The following PCNP variants were observed in gnomAD, a reference collection of about 807,000 sequenced individuals.
PCNP encodes the protein PEST proteolytic signal containing nuclear protein, also known as PEST proteolytic signal-containing nuclear protein.
PCNP carries 6 observed loss-of-function variants against 21.8 expected under a neutral mutation model. That is an observed-to-expected ratio of 0.28 (90% CI 0.15 to 0.54). The LOEUF is 0.54. PCNP is among the 20% of genes least tolerant of loss of function. The pLI is 0.95. For missense variants in PCNP, 161 were observed against 215.5 expected (o/e 0.75, Z 1.58); for synonymous variants, 67 against 73.2 (o/e 0.92, Z 0.43).
chr3:101,590,244 A>G lies in PCNP; in HGVS notation c.384A>G (p.Ala128=). Residue 128 remains alanine, a synonymous_variant, in exon 4 of 5, where the codon GCA becomes GCG. Coordinates refer to ENST00000265260, the MANE Select transcript of PCNP (RefSeq NM_020357.3). ...DSEPEEMPPE[A]KMRMKNIGRD... ...AACCAGAGGAAATGCCTCCAGAAGC[A>G]AAGATGAGGATGAAGAATATTGGAA... 6.4e-7 allele frequency: 1 copy of G among 1,568,370 alleles called. No individual in the cohort carries two copies. The highest frequency in any genetic ancestry group is 1.1e-5 in the South Asian group (1 of 89,708).
At chr3:101,574,674 A>C (rs1265645847) in intron 1 of PCNP, among the ~76,000 whole-genome samples, 1 of 151,796 alleles carries the variant, frequency 6.6e-6, no homozygotes, top group East Asian at 1.9e-4. Flanking sequence ...TAACATACAC[A>C]CAGTGCGAGC....
chr3:101,578,902 T>G (rs1196248284), intron 1 of PCNP, among the ~76,000 whole-genome samples: 1 of 152,218 alleles, frequency 6.6e-6, no homozygotes, highest in African/African-American at 2.4e-5. Context: ...AAAGTTTTAA[T>G]CATCAGCCAG....
At chr3:101,579,357 T>A (rs1007403216) in intron 1 of PCNP, among the ~76,000 whole-genome samples, 1 of 152,190 alleles carries the variant, frequency 6.6e-6, no homozygotes, top group Non-Finnish European at 1.5e-5. Context: ...TTTGTATGAT[T>A]ATTACATTAC....
Position 101,590,209 on chromosome 3 carries a change from CT to C in PCNP, c.355-3del. 6.6e-7 allele frequency: 1 copy of C among 1,524,598 alleles called. No homozygotes were observed. Among genetic ancestry groups the C allele is most frequent in the Non-Finnish European group, 9.1e-7 (1 of 1,100,908 alleles). The allele number at this position is 1,524,598 out of a possible 1,614,324, so 94.4% of individuals were successfully genotyped here. The stretch of plus-strand genomic sequence containing the variant: ...GTTATCTTGGTTTACTTACTTTTTT[CT>C]TTAGAGTGAACCAGAGGAAATGCCT... On this transcript the variant is annotated splice_region_variant and splice_polypyrimidine_tract_variant and intron_variant, in intron 3 of 4. Transcript: ENST00000265260.
chr3:101,584,549 T>C (rs923484156), intron 2 of PCNP, among the ~76,000 whole-genome samples: 1 of 151,738 alleles, frequency 6.6e-6, no homozygotes, highest in African/African-American at 2.4e-5. Context: ...AAGGAAAGGG[T>C]GTTTTTATTT....
intron 2 of PCNP, among the ~76,000 whole-genome samples, chr3:101,583,477 A>G (rs939704712): frequency 6.6e-6 from 1 of 152,104 alleles, no homozygotes. Context: ...TGAGCCGGGC[A>G]TGGCAGGGTG....
intron 4 of PCNP, 72 bp downstream of exon 4, chr3:101,590,342 T>G (rs1245039335): frequency 1.2e-6 from 1 of 808,306 alleles, no homozygotes; most frequent in Non-Finnish European, 2.1e-6. Flanking sequence ...GCACATGATT[T>G]CTTACAGTTC....
At chr3:101,577,675 T>C (rs925540913) in intron 1 of PCNP, among the ~76,000 whole-genome samples, 2 of 152,130 alleles carry the variant, frequency 1.3e-5, no homozygotes, top group Non-Finnish European at 2.9e-5. Flanking sequence ...CAGGCCCTTG[T>C]CACCACGCCC....
Position 101,592,809 on chromosome 3 carries a change from C to G in PCNP, c.*56C>G. 1.3e-6 allele frequency: 2 copies of G among 1,538,114 alleles called. No individual in the cohort carries two copies. The highest frequency in any genetic ancestry group is 1.2e-5 in the South Asian group (1 of 80,374). ...GTGTAAAGTTAAAAGGAACAGTTTCCTTTTTTAAAGAATGGTATAAGACTA... is the reference window on the plus strand; with the variant it reads ...GTGTAAAGTTAAAAGGAACAGTTTCGTTTTTTAAAGAATGGTATAAGACTA... On this transcript the variant is annotated 3_prime_UTR_variant, in exon 5 of 5. Transcript: ENST00000265260.
intron 2 of PCNP, among the ~76,000 whole-genome samples, chr3:101,584,901 C>T (rs1356054574): frequency 2.0e-5 from 3 of 152,256 alleles, no homozygotes; most frequent in Middle Eastern, 3.4e-3. Flanking sequence ...CTATTCAGGA[C>T]GCCAAGTCAT....
intron 3 of PCNP, among the ~76,000 whole-genome samples, chr3:101,587,464 T>TTGA (rs1232073915): frequency 2.6e-5 from 4 of 152,062 alleles, no homozygotes; most frequent in Non-Finnish European, 5.9e-5. Context: ...TTCTATCCAT[T>TTGA]TGAGTGCTTT....
intron 4 of PCNP, among the ~76,000 whole-genome samples, chr3:101,591,156 T>G (rs1462203390): frequency 6.6e-6 from 1 of 152,212 alleles, no homozygotes; most frequent in Non-Finnish European, 1.5e-5. Context: ...AATACCAAAA[T>G]AAGATAAATG....
At chr3:101,589,412 T>C (rs1194726874) in intron 3 of PCNP, among the ~76,000 whole-genome samples, 1 of 150,206 alleles carries the variant, frequency 6.7e-6, no homozygotes, top group Non-Finnish European at 1.5e-5. Context: ...TGAGCTCTCT[T>C]TTTTTTTTTT....
intron 3 of PCNP, among the ~76,000 whole-genome samples, chr3:101,589,399 G>T (rs1935689913): frequency 7.6e-6 from 1 of 131,310 alleles, no homozygotes; most frequent in African/African-American, 2.8e-5. Flanking sequence ...AAAAAGTAAG[G>T]AATGAGCTCT....
chr3:101,579,888 G>A lies in PCNP; in HGVS notation c.163G>A (p.Glu55Lys), dbSNP rs756059600. The A allele has an allele frequency of 2.5e-6, 4 of 1,613,934 alleles. No individual in the cohort carries two copies. Among genetic ancestry groups the A allele is most frequent in the Non-Finnish European group, 3.4e-6 (4 of 1,179,798 alleles). ...TCGCAGCGCTGAGAAGCGATCAGCT[G>A]AAGAAGAAGCTGCCGACCTCCCAAC... is the stretch of plus-strand genomic sequence containing the variant. Reference protein sequence around the residue: ...SSRSAEKRSAEEEAADLPTKP... With the variant: ...SSRSAEKRSAKEEAADLPTKP... The change falls in exon 2 of 5, where the codon GAA (glutamate) becomes AAA (lysine). Residue 55 changes from glutamate to lysine, a missense_variant. Physicochemically the swap from Glu to Lys is moderately conservative, Grantham distance 56. This residue lies in a region of PCNP where 46 missense variants were observed against 39.3 expected (regional missense o/e 1.17). Coordinates refer to ENST00000265260, the MANE Select transcript of PCNP (RefSeq NM_020357.3).
chr3:101,584,411 T>A (rs1246875559), intron 2 of PCNP, among the ~76,000 whole-genome samples: 3 of 152,162 alleles, frequency 2.0e-5, no homozygotes, highest in Non-Finnish European at 4.4e-5. Flanking sequence ...AGTGTTGAGA[T>A]TGCACATGTG....
rs1467107913 is a variant in PCNP at position 101,580,055 on chromosome 3, T to A, written c.279+51T>A. On this transcript the variant is annotated intron_variant, in intron 2 of 4. Coordinates refer to ENST00000265260, the MANE Select transcript of PCNP (RefSeq NM_020357.3). ...TTTGTAATGGGTCTTAAGGATTTGCTTTGGAAACGTGGCGTTTACTAGGTT... is the reference window on the plus strand; with the variant it reads ...TTTGTAATGGGTCTTAAGGATTTGCATTGGAAACGTGGCGTTTACTAGGTT... 2.2e-6 allele frequency: 3 copies of A among 1,349,230 alleles called. No individual in the cohort carries two copies. The South Asian group carries it at 3.5e-5, about 16-fold the overall frequency. 83.6% of individuals were successfully genotyped at this position (1,349,230 alleles called of 1,614,324 possible). A position where few individuals can be genotyped will look rare whatever the true frequency, so the allele number is the denominator to read the frequency against.
chr3:101,591,772 T>G (rs1299513630), intron 4 of PCNP, among the ~76,000 whole-genome samples: 2 of 146,806 alleles, frequency 1.4e-5, no homozygotes, highest in Admixed American at 6.8e-5. Context: ...TGGTGTTTTT[T>G]TTTTTTTTTT....
chr3:101,580,546 T>C (rs1253940399), intron 2 of PCNP, among the ~76,000 whole-genome samples: 2 of 152,206 alleles, frequency 1.3e-5, no homozygotes, highest in African/African-American at 4.8e-5. Context: ...CAATCAGTTA[T>C]TTGTATCTTA....
Sources: gnomAD v4.1 joint callset for allele counts (sites outside exome capture counted in the v4.1 genomes callset) on GRCh38, gnomAD v4.1.1 for gene constraint, gnomAD v4.1.1 regional missense constraint, MANE v1.5 for transcripts, NCBI Gene and HGNC (gene_info 2026-07-23, HGNC 2026-07-21) for gene names.